Variants in SMC1B observed in about 807,000 individuals in gnomAD.
The protein encoded by SMC1B is structural maintenance of chromosomes protein 1B.
In SMC1B, 60 loss-of-function variants were observed where a neutral mutation model predicts 157.9. The observed-to-expected ratio is 0.38, with a 90% CI of 0.31 to 0.47. The LOEUF (loss-of-function observed/expected upper bound fraction) is 0.47, where lower values mean the gene tolerates loss of function less well. SMC1B is among the 20% of genes least tolerant of loss of function. The pLI is 0.99. For missense variants in SMC1B, 1,165 were observed against 1,426.2 expected (o/e 0.82, Z 2.95); for synonymous variants, 445 against 483.0 (o/e 0.92, Z 1.03).
At chr22:45,400,800 G>A (rs1160435732) in intron 5 of SMC1B, among the ~76,000 whole-genome samples, 2 of 152,178 alleles carry the variant, frequency 1.3e-5, no homozygotes, top group African/African-American at 4.8e-5. Flanking sequence ...TAAATGTCAT[G>A]TAACATATAT....
intron 5 of SMC1B, among the ~76,000 whole-genome samples, chr22:45,400,179 T>C (rs1311138854): frequency 1.3e-5 from 2 of 152,302 alleles, no homozygotes; most frequent in African/African-American, 4.8e-5. Context: ...CGAACACACC[T>C]ACCACCTAGA....
rs764252249 is a variant in SMC1B at position 45,396,355 on chromosome 22, T to C, written c.1245A>G (p.Gly415=). 4.5e-5 allele frequency: 72 copies of C among 1,612,166 alleles called. No individual in the cohort carries two copies. The highest frequency in any genetic ancestry group is 5.5e-5 in the Non-Finnish European group (65 of 1,179,274). ...GTACAACCCAAGACACCTGAACTTCTCCATGCCTCCTCTTTTCAAATGCCA... is the reference window on the plus strand; with the variant it reads ...GTACAACCCAAGACACCTGAACTTCCCCATGCCTCCTCTTTTCAAATGCCA... The part of the protein sequence containing the change: ...ERLAFEKRRH[G]EVQGNLKQIK... Residue 415 remains glycine, a synonymous_variant, in exon 7 of 25, where the codon GGA becomes GGG. Coordinates refer to ENST00000357450, the MANE Select transcript of SMC1B (RefSeq NM_148674.5).
intron 6 of SMC1B, among the ~76,000 whole-genome samples, chr22:45,398,280 C>A (rs1344238063): frequency 6.6e-6 from 1 of 152,214 alleles, no homozygotes; most frequent in Non-Finnish European, 1.5e-5. Flanking sequence ...TGGTCCAGCT[C>A]CAAGCACCAC....
intron 12 of SMC1B, among the ~76,000 whole-genome samples, chr22:45,372,812 A>T (rs2146798011): frequency 6.8e-6 from 1 of 148,024 alleles, no homozygotes; most frequent in African/African-American, 2.5e-5. Flanking sequence ...TCCCAGGTTC[A>T]CGCCATTCTC....
At chr22:45,369,197 T>C (rs136565) in intron 15 of SMC1B, among the ~76,000 whole-genome samples, 91,723 of 151,700 alleles carry the variant, frequency 0.6, 29,876 homozygotes, top group African/African-American at 0.85. Context: ...CCCAGGTTCA[T>C]GCCATTCTCC....
chr22:45,362,510 A>G (rs1020115711), intron 16 of SMC1B, among the ~76,000 whole-genome samples: 3 of 151,938 alleles, frequency 2.0e-5, no homozygotes, highest in African/African-American at 7.2e-5. Flanking sequence ...TAAACCAGCA[A>G]CTCCCAAATC....
chr22:45,372,047 G>GAAA, intron 13 of SMC1B, 108 bp downstream of exon 13: 10 of 769,372 alleles, frequency 1.3e-5, no homozygotes, highest in Admixed American at 7.7e-5. Context: ...TCTGTCTCAG[G>GAAA]AAAAAAAAAA....
chr22:45,359,234 A>G (rs1240178386), intron 18 of SMC1B, among the ~76,000 whole-genome samples: 1 of 152,254 alleles, frequency 6.6e-6, no homozygotes, highest in African/African-American at 2.4e-5. Flanking sequence ...TCCTGGATCC[A>G]TCCCTGTGGA....
At chr22:45,407,485 AG>A (rs1213212231) in intron 2 of SMC1B, among the ~76,000 whole-genome samples, 23 of 151,644 alleles carry the variant, frequency 1.5e-4, no homozygotes, top group African/African-American at 5.1e-4. Flanking sequence ...TTTCTGAGAC[AG>A]GGTCTTGCTC....
At chr22:45,370,937 G>A (rs188256463) in intron 14 of SMC1B, among the ~76,000 whole-genome samples, 1 of 152,286 alleles carries the variant, frequency 6.6e-6, no homozygotes, top group Admixed American at 6.5e-5. Context: ...AAAAGCAATG[G>A]GTGGAATTAA....
At chr22:45,349,909 TTC>T (rs1361259533) in intron 22 of SMC1B, 112 bp from the exon 23 acceptor site, 1 of 833,872 alleles carries the variant, frequency 1.2e-6, no homozygotes, top group African/African-American at 1.7e-5. Context: ...TTTTGGATAT[TTC>T]TAAGTAATCG....
chr22:45,366,715 T>C (rs2086779370), intron 15 of SMC1B, among the ~76,000 whole-genome samples: 1 of 152,212 alleles, frequency 6.6e-6, no homozygotes, highest in South Asian at 2.1e-4. Flanking sequence ...CTGGCCAACG[T>C]GGCAAAACTC....
intron 9 of SMC1B, among the ~76,000 whole-genome samples, chr22:45,390,167 A>G (rs1019169237): frequency 1.3e-5 from 2 of 152,052 alleles, no homozygotes; most frequent in African/African-American, 2.4e-5. Flanking sequence ...ACAATTAAAT[A>G]ATATTCATTT....
At chr22:45,345,208 T>C (rs1253492867) in intron 24 of SMC1B, among the ~76,000 whole-genome samples, 1 of 152,258 alleles carries the variant, frequency 6.6e-6, no homozygotes, top group East Asian at 1.9e-4. Flanking sequence ...CATGGACTTA[T>C]TTCACGAAAC....
chr22:45,377,152 A>G (rs997065214), intron 12 of SMC1B, among the ~76,000 whole-genome samples: 8 of 152,152 alleles, frequency 5.3e-5, no homozygotes, highest in African/African-American at 1.9e-4. Flanking sequence ...TTTTAAAACT[A>G]TACAGTTATT....
At position 45,382,328 on chromosome 22, in the gene SMC1B, C is replaced by A. The variant is rs531809631; in HGVS notation, c.2058+1139G>T. ...AACTTTTGATACATACAACATGAAT[C>A]TCAAAAATACTAAGCTAAGTGAAGA... On this transcript the variant is annotated intron_variant, in intron 12 of 24. Coordinates refer to ENST00000357450, the MANE Select transcript of SMC1B (RefSeq NM_148674.5). Among the ~76,000 whole-genome samples the A allele has an allele frequency of 1.5e-3, 229 of 152,270 alleles. 1 individual carries two copies. The highest frequency in any genetic ancestry group is 2.6e-3 in the Non-Finnish European group (175 of 68,022).
intron 24 of SMC1B, 128 bp downstream of exon 24, chr22:45,345,331 T>C (rs769611252): frequency 9.3e-6 from 5 of 538,990 alleles, no homozygotes; most frequent in African/African-American, 5.8e-5. Flanking sequence ...TTTAATCTTA[T>C]TTGATTAAAA....
In SMC1B at chr22:45,358,749, T is replaced by C. The variant is rs762371491; in HGVS notation, c.2909A>G (p.Glu970Gly). ...ESTQATIDIY[E>G]KEEAFEIDYS... ...GTCTATTTCAAAGGCTTCTTCTTTT[T>C]CATAGATATCAATTGTTGCCTGGGT... Residue 970 changes from glutamate (E) to glycine (G), a missense_variant, in exon 19 of 25, where the codon GAA (glutamate) becomes GGA (glycine). By Grantham distance (98) the Glu-to-Gly change is moderately conservative. Coordinates refer to ENST00000357450, the MANE Select transcript of SMC1B (RefSeq NM_148674.5). 3 of 1,613,276 alleles carry C rather than the reference T, an allele frequency of 1.9e-6. No individual in the cohort carries two copies. The highest frequency in any genetic ancestry group is 2.7e-5 in the African/African-American group (2 of 74,904).
intron 6 of SMC1B, among the ~76,000 whole-genome samples, 185 bp downstream of exon 6, chr22:45,398,910 A>T (rs1405727103): frequency 6.6e-6 from 1 of 152,214 alleles, no homozygotes; most frequent in Admixed American, 6.5e-5. Context: ...CCCTCTCTCT[A>T]CAAAATTAAA....
Sources: gnomAD v4.1 joint callset for allele counts (sites outside exome capture counted in the v4.1 genomes callset) on GRCh38, gnomAD v4.1.1 for gene constraint, MANE v1.5 for transcripts, NCBI Gene and HGNC (gene_info 2026-07-23, HGNC 2026-07-21) for gene names.